SOX6: variants seen among roughly 807,000 people sequenced by gnomAD.
SOX6 encodes the protein transcription factor SOX-6.
SOX6 carries 11 observed loss-of-function variants against 97.8 expected under a neutral mutation model. The observed-to-expected ratio is 0.11, with a 90% CI of 0.07 to 0.19. SOX6 has a LOEUF of 0.19. SOX6 is among the 10% of genes least tolerant of loss of function. The probability of loss-of-function intolerance (pLI) is 1.00; values close to 1 mark genes in which losing one functional copy is unlikely to be tolerated. For synonymous variants in SOX6, 360 were observed against 371.4 expected, an observed-to-expected ratio of 0.97 and a Z score of 0.35; for missense variants, 810 against 1,039.5, an observed-to-expected ratio of 0.78 and a Z score of 3.04.
Position 15,972,599 on chromosome 11 carries a change from AC to A in SOX6, c.*209del, listed in dbSNP as rs753850302. On this transcript the variant is annotated 3_prime_UTR_variant, in exon 16 of 16. Coordinates refer to ENST00000683767, the MANE Select transcript of SOX6 (RefSeq NM_001367873.1). The stretch of plus-strand genomic sequence containing the variant: ...ATATGTCTTCACCTAAATTAAAAAA[AC>A]AACAACAACAACAATAACAATAACA... 4 of 587,016 alleles carry A rather than the reference AC, an allele frequency of 6.8e-6. No homozygotes were observed. Among genetic ancestry groups the A allele is most frequent in the African/African-American group, 3.7e-5 (2 of 53,572 alleles). The allele number at this position is 587,016 out of a possible 1,614,324, so 36.4% of individuals were successfully genotyped here. A position where few individuals can be genotyped will look rare whatever the true frequency, so the allele number is the denominator to read the frequency against.
At chr11:16,328,128 C>T (rs954456883) in intron 2 of SOX6, among the ~76,000 whole-genome samples, 7 of 152,082 alleles carry the variant, frequency 4.6e-5, no homozygotes, top group Admixed American at 3.3e-4. Context: ...GCCCTGGTTT[C>T]GGACGACACT....
At chr11:16,031,331 A>T (rs1444083251) in intron 12 of SOX6, 1 of 152,214 alleles carries the variant, frequency 6.6e-6, no homozygotes, top group African/African-American at 2.4e-5. Flanking sequence ...AACTTTCTGA[A>T]GCTATTCAAA....
chr11:16,664,060 C>G (rs1295925251), intron 3 of SOX6, among the ~76,000 whole-genome samples: 1 of 151,974 alleles, frequency 6.6e-6, no homozygotes, highest in Non-Finnish European at 1.5e-5. Flanking sequence ...CCTAAGAGTT[C>G]AAGACAAGCC....
chr11:16,175,773 T>C (rs1851166691), intron 6 of SOX6, among the ~76,000 whole-genome samples: 2 of 151,964 alleles, frequency 1.3e-5, no homozygotes, highest in African/African-American at 4.8e-5. Context: ...CTTTTTTGTC[T>C]TATTTTTGTC....
At chr11:16,340,029 T>C (rs1022534879) in intron 2 of SOX6, among the ~76,000 whole-genome samples, 1 of 152,104 alleles carries the variant, frequency 6.6e-6, no homozygotes, top group African/African-American at 2.4e-5. Context: ...GCATTGACTG[T>C]GTCTGCAAAA....
intron 13 of SOX6, among the ~76,000 whole-genome samples, chr11:16,013,539 A>T (rs1331747409): frequency 6.6e-6 from 1 of 152,018 alleles, no homozygotes; most frequent in Non-Finnish European, 1.5e-5. Flanking sequence ...CAAGGAAGAC[A>T]GCAAGCATAT....
intron 6 of SOX6, among the ~76,000 whole-genome samples, chr11:16,154,169 A>ATACCTTGGCCTTACAAGAT (rs1850535309): frequency 1.3e-5 from 2 of 152,156 alleles, no homozygotes; most frequent in African/African-American, 4.8e-5. Context: ...TGAGGCCAAC[A>ATACCTTGGCCTTACAAGAT]ATGAAGATAC....
intron 4 of SOX6, among the ~76,000 whole-genome samples, chr11:16,215,320 G>T (rs1021680152): frequency 1.3e-5 from 2 of 152,126 alleles, no homozygotes; most frequent in Non-Finnish European, 2.9e-5. Context: ...GTAGTAAGGA[G>T]TCATTATAAG....
chr11:16,589,404 G>T (rs1398064584), intron 4 of SOX6, among the ~76,000 whole-genome samples: 1 of 151,938 alleles, frequency 6.6e-6, no homozygotes, highest in East Asian at 1.9e-4. Context: ...AAGTATCCTG[G>T]GTAAAGAAAA....
At chr11:16,727,645 C>T (rs796507319) in intron 2 of SOX6, among the ~76,000 whole-genome samples, 5 of 151,716 alleles carry the variant, frequency 3.3e-5, no homozygotes, top group African/African-American at 1.2e-4. Flanking sequence ...ACCATCTTGG[C>T]CAGGCTGGTC....
chr11:16,726,488 ATACTT>A (rs1160748300), intron 2 of SOX6, among the ~76,000 whole-genome samples: 4 of 152,222 alleles, frequency 2.6e-5, no homozygotes, highest in Non-Finnish European at 5.9e-5. Context: ...ATTTAATTGT[ATACTT>A]TAAACAGGTG....
intron 1 of SOX6, among the ~76,000 whole-genome samples, chr11:16,471,755 G>A (rs71484719): frequency 6.7e-4 from 102 of 152,168 alleles, no homozygotes; most frequent in East Asian, 4.4e-3. Flanking sequence ...CATAGTATCC[G>A]GCTATATTTC....
chr11:16,648,864 T>C (rs1397939322), intron 3 of SOX6, among the ~76,000 whole-genome samples: 1 of 151,840 alleles, frequency 6.6e-6, no homozygotes, highest in African/African-American at 2.4e-5. Context: ...AAAATTATAT[T>C]TAAAAAATAC....
At chr11:16,206,341 C>A (rs34641020) in intron 4 of SOX6, among the ~76,000 whole-genome samples, 1 of 152,016 alleles carries the variant, frequency 6.6e-6, no homozygotes, top group Non-Finnish European at 1.5e-5. Context: ...AGAAGGTGAA[C>A]TTACATCATT....
chr11:16,163,060 T>G (rs1050119072), intron 6 of SOX6, among the ~76,000 whole-genome samples: 1 of 149,226 alleles, frequency 6.7e-6, no homozygotes, highest in Non-Finnish European at 1.5e-5. Context: ...AAAGATAGTG[T>G]AAAAAGGGGA....
chr11:16,094,564 G>A (rs1266159257), intron 9 of SOX6, among the ~76,000 whole-genome samples: 2 of 151,892 alleles, frequency 1.3e-5, no homozygotes, highest in Non-Finnish European at 2.9e-5. Flanking sequence ...CATTCTTCCA[G>A]GCATTTAAAA....
intron 13 of SOX6, among the ~76,000 whole-genome samples, chr11:16,010,934 G>A (rs145801955): frequency 1.1e-3 from 174 of 151,876 alleles, no homozygotes; most frequent in African/African-American, 3.9e-3. Flanking sequence ...AATAATAATC[G>A]CAGACTTGGA....
chr11:16,163,287 T>C (rs1309849908), intron 6 of SOX6, among the ~76,000 whole-genome samples: 1 of 152,182 alleles, frequency 6.6e-6, no homozygotes, highest in African/African-American at 2.4e-5. Context: ...CTTACTGTGG[T>C]TGGTCTGAAA....
intron 12 of SOX6, among the ~76,000 whole-genome samples, chr11:16,025,664 T>A (rs1225380480): frequency 6.6e-6 from 1 of 152,148 alleles, no homozygotes; most frequent in Admixed American, 6.5e-5. Flanking sequence ...GAACCAAGAA[T>A]AAATATTTTC....
Sources: allele counts gnomAD v4.1 joint callset (sites outside exome capture counted in the v4.1 genomes callset), GRCh38; gene constraint gnomAD v4.1.1; transcripts MANE v1.5; gene names NCBI Gene and HGNC (gene_info 2026-07-23, HGNC 2026-07-21).